Variants in B3GALT1 observed in about 807,000 individuals in gnomAD.
The protein encoded by B3GALT1 is UDP-Gal:betaGlcNAc beta 1,3-galactosyltransferase, polypeptide 1.
A neutral mutation model predicts 23.2 loss-of-function variants in B3GALT1; 10 were observed. The ratio of observed to expected loss-of-function variants is 0.43; its 90% CI spans 0.27 to 0.73. B3GALT1 has a LOEUF of 0.73. Ranked by LOEUF, B3GALT1 falls within the 30% of genes least tolerant of loss-of-function variation. The pLI is 0.21. For missense variants in B3GALT1, 299 were observed against 405.4 expected, an observed-to-expected ratio of 0.74 and a Z score of 2.25; for synonymous variants, 156 against 141.5, an observed-to-expected ratio of 1.10 and a Z score of -0.73.
chr2:167,858,347 A>G (rs1446090832), intron 4 of B3GALT1, among the ~76,000 whole-genome samples: 1 of 150,752 alleles, frequency 6.6e-6, no homozygotes, highest in East Asian at 1.9e-4. Flanking sequence ...AGCGAAGTAA[A>G]AAAAAAAAAA....
At chr2:167,675,986 G>A (rs1686417328) in intron 3 of B3GALT1, among the ~76,000 whole-genome samples, 1 of 151,684 alleles carries the variant, frequency 6.6e-6, no homozygotes, top group Non-Finnish European at 1.5e-5. Flanking sequence ...CCCAGAAATG[G>A]TACCGAGGAT....
At chr2:167,454,210 T>C (rs7598625) in intron 1 of B3GALT1, among the ~76,000 whole-genome samples, 24,931 of 149,496 alleles carry the variant, frequency 0.17, 2,167 homozygotes, top group African/African-American at 0.22. Flanking sequence ...TGTGTGTGTG[T>C]GCGCACGCGC....
At chr2:167,319,852 G>C (rs1007231297) in intron 1 of B3GALT1, among the ~76,000 whole-genome samples, 8 of 152,060 alleles carry the variant, frequency 5.3e-5, no homozygotes. Flanking sequence ...TACCGCCATT[G>C]GATCCTCCAG....
At chr2:167,663,453 T>C (rs1686109764) in intron 3 of B3GALT1, among the ~76,000 whole-genome samples, 1 of 152,170 alleles carries the variant, frequency 6.6e-6, no homozygotes, top group African/African-American at 2.4e-5. Flanking sequence ...CAGCACGATT[T>C]ATAGTCCTTT....
At chr2:167,559,742 G>A (rs1350178347) in intron 2 of B3GALT1, among the ~76,000 whole-genome samples, 2 of 152,104 alleles carry the variant, frequency 1.3e-5, no homozygotes, top group African/African-American at 2.4e-5. Context: ...AAGCGAGAAG[G>A]GAAGTTGAGA....
In B3GALT1 at chr2:167,676,840, A is replaced by T. The variant is rs113374078; in HGVS notation, c.-352+29874A>T. On this transcript the variant is annotated intron_variant, in intron 3 of 4. Transcript: ENST00000392690. ...GCATGAGCCACCGCGCCTGGCCCCA[A>T]TAATTAATATTTATAATGTTTAGAA... Among the ~76,000 whole-genome samples the T allele has an allele frequency of 9.6e-3, 1,462 of 152,294 alleles. 21 individuals carry two copies. The highest frequency in any genetic ancestry group is 0.033 in the African/African-American group (1,391 of 41,556).
intron 3 of B3GALT1, among the ~76,000 whole-genome samples, chr2:167,761,853 A>G (rs1344831839): frequency 6.6e-6 from 1 of 152,234 alleles, no homozygotes; most frequent in Non-Finnish European, 1.5e-5. Flanking sequence ...ACATTTAAGG[A>G]CAGGGTCTGC....
intron 3 of B3GALT1, among the ~76,000 whole-genome samples, chr2:167,668,770 G>A (rs923543738): frequency 1.2e-4 from 19 of 152,306 alleles, no homozygotes; most frequent in South Asian, 4.1e-4. Flanking sequence ...GACCCCTTGC[G>A]CTTCCCGAGT....
chr2:167,526,188 C>G (rs1409213480), intron 2 of B3GALT1, among the ~76,000 whole-genome samples: 1 of 138,622 alleles, frequency 7.2e-6, no homozygotes. Flanking sequence ...AGTTAGGTAA[C>G]ACACACACAC....
intron 1 of B3GALT1, among the ~76,000 whole-genome samples, chr2:167,455,221 A>T (rs1249530479): frequency 6.6e-6 from 1 of 152,238 alleles, no homozygotes; most frequent in Non-Finnish European, 1.5e-5. Context: ...TTATGGAATG[A>T]TGACATTTGC....
At chr2:167,602,033 G>A (rs549600702) in intron 2 of B3GALT1, among the ~76,000 whole-genome samples, 1 of 152,226 alleles carries the variant, frequency 6.6e-6, no homozygotes, top group African/African-American at 2.4e-5. Context: ...TTTCAATCAT[G>A]GCTGTATATT....
intron 3 of B3GALT1, chr2:167,713,800 C>T (rs1230077235): frequency 4.4e-6 from 7 of 1,593,612 alleles, no homozygotes. Context: ...GTAAACCCCT[C>T]TGTGGATAGA....
At chr2:167,557,219 A>G (rs1295792756) in intron 2 of B3GALT1, among the ~76,000 whole-genome samples, 1 of 152,116 alleles carries the variant, frequency 6.6e-6, no homozygotes, top group Non-Finnish European at 1.5e-5. Flanking sequence ...GTGATCAAAG[A>G]CATTTTCATT....
At chr2:167,732,328 C>G (rs1687422045) in intron 3 of B3GALT1, among the ~76,000 whole-genome samples, 1 of 152,158 alleles carries the variant, frequency 6.6e-6, no homozygotes, top group African/African-American at 2.4e-5. Flanking sequence ...TTTGGCACCA[C>G]ATTAAAAAAC....
intron 2 of B3GALT1, among the ~76,000 whole-genome samples, chr2:167,530,323 C>T (rs1002065904): frequency 4.6e-5 from 7 of 152,128 alleles, no homozygotes; most frequent in African/African-American, 1.7e-4. Flanking sequence ...TTGTTTATCT[C>T]TTTTTTGTCT....
At chr2:167,863,152 T>C (rs913224155) in intron 4 of B3GALT1, among the ~76,000 whole-genome samples, 1 of 151,528 alleles carries the variant, frequency 6.6e-6, no homozygotes, top group Admixed American at 6.6e-5. Context: ...AGGTTTCTGC[T>C]TTTGTGGTAT....
At chr2:167,617,480 C>T (rs556453484) in intron 2 of B3GALT1, among the ~76,000 whole-genome samples, 1 of 152,120 alleles carries the variant, frequency 6.6e-6, no homozygotes, top group Admixed American at 6.6e-5. Context: ...CATTATTCCA[C>T]TCCCGCCTAT....
intron 3 of B3GALT1, among the ~76,000 whole-genome samples, chr2:167,657,843 G>T (rs1178432586): frequency 6.6e-6 from 1 of 151,914 alleles, no homozygotes; most frequent in African/African-American, 2.4e-5. Flanking sequence ...TATTTTATTA[G>T]TTTCAAACTG....
chr2:167,745,937 A>G (rs1179161724), intron 3 of B3GALT1, among the ~76,000 whole-genome samples: 1 of 152,086 alleles, frequency 6.6e-6, no homozygotes. Flanking sequence ...ATATCCTCAT[A>G]TTATTCTTCA....
Sources: allele counts gnomAD v4.1 joint callset (sites outside exome capture counted in the v4.1 genomes callset), GRCh38; gene constraint gnomAD v4.1.1; transcripts MANE v1.5; gene names NCBI Gene and HGNC (gene_info 2026-07-23, HGNC 2026-07-21).